Variants in LEFTY2 observed in about 807,000 individuals in gnomAD.
The protein encoded by LEFTY2 is left-right determination factor 2.
LEFTY2 carries 10 observed loss-of-function variants against 26.4 expected under a neutral mutation model. That is an observed-to-expected ratio of 0.38 (90% CI 0.23 to 0.64). The LOEUF (loss-of-function observed/expected upper bound fraction) is 0.64. Ranked by LOEUF, LEFTY2 falls within the 30% of genes least tolerant of loss-of-function variation. The pLI, the probability that LEFTY2 is intolerant of heterozygous loss-of-function variation, is 0.56. For synonymous variants in LEFTY2, 204 were observed against 234.1 expected, an observed-to-expected ratio of 0.87 and a Z score of 1.17; for missense variants, 407 against 502.1, an observed-to-expected ratio of 0.81 and a Z score of 1.81.
At position 225,937,072 on chromosome 1, in the gene LEFTY2, A is replaced by G. The variant is rs1672170324; in HGVS notation, c.*369T>C. ...AGATTTGAAGGTTTTAATTCCTCAT[A>G]TAACACAGCAATTCAGTTCTGTTTC... On this transcript the variant is annotated 3_prime_UTR_variant, in exon 4 of 4. Transcript: ENST00000366820. The G allele has an allele frequency of 2.7e-6, 1 of 363,682 alleles. No individual in the cohort carries two copies. The highest frequency in any genetic ancestry group is 4.2e-5 in the Admixed American group (1 of 23,760). The allele number at this position is 363,682 out of a possible 1,614,324, so 22.5% of individuals were successfully genotyped here.
rs191411721 is a variant in LEFTY2, at chr1:225,938,299, C to T, written c.738-495G>A. 1.1e-4 allele frequency among the ~76,000 whole-genome samples: 16 copies of T among 152,340 alleles called. No individual in the cohort carries two copies. In the East Asian group the frequency reaches 1.9e-3, roughly 18 times the overall value. ...TCACCAAAGCAGGAGGAAAGCTCAT[C>T]GCCCCTAGTAACAGCTAAAGCTAGG... On this transcript the variant is annotated intron_variant, in intron 3 of 3. Transcript: ENST00000366820.
chr1:225,937,525 C>G lies in LEFTY2; in HGVS notation c.1017G>C (p.Gln339His). ...SIKEGGRTRP[Q>H]VVSLPNMRVQ... ...CCCTCATGTTGGGCAGGCTGACCAC[C>G]TGGGGCCTGGTCCTGCCTCCCTCCT... is the stretch of plus-strand genomic sequence containing the variant. The change falls in exon 4 of 4, where the codon CAG becomes CAC. Residue 339 changes from glutamine (Q) to histidine (H), a missense_variant. Gln to His is a conservative substitution (Grantham distance 24). Transcript: ENST00000366820. 1.2e-6 allele frequency: 2 copies of G among 1,614,040 alleles called. No individual in the cohort carries two copies. Among genetic ancestry groups the G allele is most frequent in the Non-Finnish European group, 1.7e-6 (2 of 1,180,032 alleles).
chr1:225,940,756 C>A, intron 1 of LEFTY2, 135 bp downstream of exon 1: 2 of 1,371,226 alleles, frequency 1.5e-6, no homozygotes, highest in Non-Finnish European at 1.0e-6. Flanking sequence ...CTCCTCACTG[C>A]TCCTTGGACC....
intron 1 of LEFTY2, 44 bp downstream of exon 1, chr1:225,940,847 C>A (rs765065148): frequency 4.3e-6 from 7 of 1,612,254 alleles, no homozygotes; most frequent in Non-Finnish European, 5.9e-6. Context: ...AACCGGCCTG[C>A]CCCCGACCAT....
At chr1:225,940,165 T>C in intron 1 of LEFTY2, 163 bp from the exon 2 acceptor site, 1 of 1,191,542 alleles carries the variant, frequency 8.4e-7, no homozygotes, top group African/African-American at 1.5e-5. Context: ...CCTTGTTTAG[T>C]AACAATTTCC....
intron 3 of LEFTY2, 25 bp from the exon 4 acceptor site, chr1:225,937,829 C>T (rs765855832): frequency 4.7e-6 from 7 of 1,474,862 alleles, no homozygotes; most frequent in South Asian, 4.7e-5. Context: ...AGAGCAGGGT[C>T]AGAGGTCATC....
In LEFTY2 at chr1:225,939,212, G is replaced by T; in HGVS notation, c.737+149C>A. On this transcript the variant is annotated intron_variant, in intron 3 of 3. Coordinates refer to ENST00000366820, the MANE Select transcript of LEFTY2 (RefSeq NM_003240.5). This position sits in a 1 kb window ranked among gnomAD's most constrained non-coding sequence, Gnocchi z 4.1. ...CCATTAGAAACCCTGACATGTAGTG[G>T]GCAATCGCTGGCATCCTGGGACAGT... 2 of 1,256,162 alleles carry T rather than the reference G, an allele frequency of 1.6e-6. No homozygotes were observed. The highest frequency in any genetic ancestry group is 1.5e-5 in the African/African-American group (1 of 67,526). The allele number at this position is 1,256,162 out of a possible 1,614,324, so 77.8% of individuals were successfully genotyped here. A position where few individuals can be genotyped will look rare whatever the true frequency, so the allele number is the denominator to read the frequency against.
intron 1 of LEFTY2, 173 bp from the exon 2 acceptor site, chr1:225,940,175 C>T: frequency 9.1e-7 from 1 of 1,102,424 alleles, no homozygotes; most frequent in Non-Finnish European, 1.3e-6. Flanking sequence ...TAACAATTTC[C>T]ATCCAGCAGG....
Position 225,939,771 on chromosome 1 carries a change from G to T in LEFTY2, c.482C>A (p.Ser161Tyr). Residue 161 changes from serine to tyrosine, a missense_variant, in exon 2 of 4, where the codon TCC becomes TAC. Coordinates refer to ENST00000366820, the MANE Select transcript of LEFTY2 (RefSeq NM_003240.5). The surrounding 1 kb of genome is among the most constrained non-coding windows in gnomAD (Gnocchi z 4.1). ...RVRDDGSNRT[S>Y]LIDSRLVSVH... ...CGACCCCCACCTGGAGTCGATGAGG[G>T]AGGTGCGGTTGGAGCCGTCGTCGCG... 1.3e-6 allele frequency: 2 copies of T among 1,590,648 alleles called. No individual in the cohort carries two copies. The highest frequency in any genetic ancestry group is 2.3e-5 in the East Asian group (1 of 44,188).
chr1:225,937,532 C>A lies in LEFTY2; in HGVS notation c.1010G>T (p.Arg337Met). 1 of 1,614,042 alleles carries A rather than the reference C, an allele frequency of 6.2e-7. No homozygotes were observed. The highest frequency in any genetic ancestry group is 8.5e-7 in the Non-Finnish European group (1 of 1,180,036). Residue 337 changes from arginine (R) to methionine (M), a missense_variant, in exon 4 of 4, where the codon AGG becomes ATG. Coordinates refer to ENST00000366820, the MANE Select transcript of LEFTY2 (RefSeq NM_003240.5). ...GTTGGGCAGGCTGACCACCTGGGGCCTGGTCCTGCCTCCCTCCTTGATGCT... is the reference window on the plus strand; with the variant it reads ...GTTGGGCAGGCTGACCACCTGGGGCATGGTCCTGCCTCCCTCCTTGATGCT... ...IVSIKEGGRT[R>M]PQVVSLPNMR...
rs749823804 is a variant in LEFTY2 at position 225,937,535 on chromosome 1, G to C, written c.1007C>G (p.Thr336Ser). The C allele has an allele frequency of 3.3e-5, 54 of 1,613,896 alleles. No individual in the cohort carries two copies. The highest frequency in any genetic ancestry group is 1.7e-4 in the Middle Eastern group (1 of 5,946). ...GGGCAGGCTGACCACCTGGGGCCTG[G>C]TCCTGCCTCCCTCCTTGATGCTGAC... ...MIVSIKEGGR[T>S]RPQVVSLPNM... The change falls in exon 4 of 4, where the codon ACC (threonine) becomes AGC (serine). Residue 336 changes from threonine to serine, a missense_variant. By Grantham distance (58) the Thr-to-Ser change is moderately conservative. Transcript: ENST00000366820.
At position 225,937,298 on chromosome 1, in the gene LEFTY2, G is replaced by A; in HGVS notation, c.*143C>T. ...GGATGGGTGATGGACGGGAAAGACAGGAAATGGAAGGACACAGGGCGAAGG... is the reference window on the plus strand; with the variant it reads ...GGATGGGTGATGGACGGGAAAGACAAGAAATGGAAGGACACAGGGCGAAGG... On this transcript the variant is annotated 3_prime_UTR_variant, in exon 4 of 4. Transcript: ENST00000366820. 1 of 1,351,006 alleles carries A rather than the reference G, an allele frequency of 7.4e-7. No individual in the cohort carries two copies. The highest frequency in any genetic ancestry group is 1.0e-6 in the Non-Finnish European group (1 of 963,418). The allele number at this position is 1,351,006 out of a possible 1,614,324, so 83.7% of individuals were successfully genotyped here.
Position 225,937,314 on chromosome 1 carries a change from A to G in LEFTY2, c.*127T>C. The G allele has an allele frequency of 1.4e-6, 2 of 1,479,364 alleles. No individual in the cohort carries two copies. The highest frequency in any genetic ancestry group is 1.9e-6 in the Non-Finnish European group (2 of 1,074,672). 91.6% of individuals were successfully genotyped at this position (1,479,364 alleles called of 1,614,324 possible). A position where few individuals can be genotyped will look rare whatever the true frequency, so the allele number is the denominator to read the frequency against. On this transcript the variant is annotated 3_prime_UTR_variant, in exon 4 of 4. Transcript: ENST00000366820. ...GGAAAGACAGGAAATGGAAGGACAC[A>G]GGGCGAAGGTCACACAGGAGCACTA...
At position 225,937,506 on chromosome 1, in the gene LEFTY2, T is replaced by C. The variant is rs747778361; in HGVS notation, c.1036A>G (p.Met346Val). 1.9e-6 allele frequency: 3 copies of C among 1,614,028 alleles called. No homozygotes were observed. Among genetic ancestry groups the C allele is most frequent in the Non-Finnish European group, 2.5e-6 (3 of 1,180,018 alleles). ...TRPQVVSLPN[M>V]RVQKCSCASD... ...GCACAGCTGCACTTCTGCACCCTCA[T>C]GTTGGGCAGGCTGACCACCTGGGGC... The change falls in exon 4 of 4, where the codon ATG becomes GTG. Residue 346 changes from methionine (M) to valine (V), a missense_variant. Met to Val is a conservative substitution (Grantham distance 21). Transcript: ENST00000366820.
Position 225,939,244 on chromosome 1 carries a change from C to G in LEFTY2, c.737+117G>C. On this transcript the variant is annotated intron_variant, in intron 3 of 3. Transcript: ENST00000366820. This position sits in a 1 kb window ranked among gnomAD's most constrained non-coding sequence, Gnocchi z 4.1. ...GCTGGCATCCTGGGACAGTCTGCAC[C>G]GCGCTCTCCCTACCCCTAGCCCACC... 10 of 1,496,456 alleles carry G rather than the reference C, an allele frequency of 6.7e-6. No individual in the cohort carries two copies. Among genetic ancestry groups the G allele is most frequent in the Admixed American group, 1.9e-5 (1 of 51,668 alleles). The allele number at this position is 1,496,456 out of a possible 1,614,324, so 92.7% of individuals were successfully genotyped here.
rs769963460 is a variant in LEFTY2 at position 225,937,772 on chromosome 1, A to G, written c.770T>C (p.Met257Thr). 5.0e-6 allele frequency: 8 copies of G among 1,611,852 alleles called. No homozygotes were observed. The highest frequency in any genetic ancestry group is 3.3e-5 in the Admixed American group (2 of 59,832). ...GCGGCAGCAGCGGGTGCCCTCGGTC[A>G]TTGGTGCTTCAGGGTCACAGTCGCC... ...AQGDCDPEAP[M>T]TEGTRCCRQE... is the part of the protein sequence containing the mutation. The change falls in exon 4 of 4, where the codon ATG (methionine) becomes ACG (threonine). Residue 257 changes from methionine to threonine, a missense_variant. Physicochemically the swap from Met to Thr is moderately conservative, Grantham distance 81. Transcript: ENST00000366820.
rs750344975 is a variant in LEFTY2, at chr1:225,939,838, G to A, written c.415C>T (p.Arg139Cys). Residue 139 changes from arginine (R) to cysteine (C), a missense_variant, in exon 2 of 4, where the codon CGC becomes TGC. By Grantham distance (180) the Arg-to-Cys change is radical. Transcript: ENST00000366820. The surrounding 1 kb of genome is among the most constrained non-coding windows in gnomAD (Gnocchi z 4.1). ...ALHRHGRLSP[R>C]SAQARVTVEW... The stretch of plus-strand genomic sequence containing the variant: ...ACGGTCACCCGGGCCTGGGCGCTGC[G>A]CGGGGACAGCCGCCCGTGCCTGTGC... The A allele has an allele frequency of 6.5e-6, 10 of 1,546,004 alleles. No homozygotes were observed. The highest frequency in any genetic ancestry group is 8.7e-6 in the Non-Finnish European group (10 of 1,151,626).
chr1:225,937,924 A>G lies in LEFTY2; in HGVS notation c.738-120T>C, dbSNP rs899747122. ...TATGATCCAGCTCTCACTATGTTCT[A>G]AAAGCTGGATATTTGTGAGAAGATG... is the stretch of plus-strand genomic sequence containing the variant. On this transcript the variant is annotated intron_variant, in intron 3 of 3. Coordinates refer to ENST00000366820, the MANE Select transcript of LEFTY2 (RefSeq NM_003240.5). The G allele has an allele frequency of 5.4e-6, 7 of 1,291,356 alleles. No individual in the cohort carries two copies. The Admixed American group carries it at 1.7e-4, about 32-fold the overall frequency. 80.0% of individuals were successfully genotyped at this position (1,291,356 alleles called of 1,614,324 possible). A position where few individuals can be genotyped will look rare whatever the true frequency, so the allele number is the denominator to read the frequency against.
intron 1 of LEFTY2, among the ~76,000 whole-genome samples, chr1:225,940,577 A>G (rs1465565862): frequency 6.6e-6 from 1 of 152,170 alleles, no homozygotes; most frequent in Admixed American, 6.5e-5. Flanking sequence ...CAGCTGCACC[A>G]AGTGCCTTGA....
Sources: allele counts gnomAD v4.1 joint callset (sites outside exome capture counted in the v4.1 genomes callset), GRCh38; gene constraint gnomAD v4.1.1; non-coding constraint Gnocchi (gnomAD v3.1); transcripts MANE v1.5; gene names NCBI Gene and HGNC (gene_info 2026-07-23, HGNC 2026-07-21).